Variants in ROBO2 observed in about 807,000 individuals in gnomAD.
ROBO2 encodes roundabout guidance receptor 2.
A neutral mutation model predicts 160.8 loss-of-function variants in ROBO2; 53 were observed. The observed-to-expected ratio is 0.33, with a 90% CI of 0.26 to 0.41. The LOEUF (loss-of-function observed/expected upper bound fraction) is 0.41. ROBO2 is among the 10% of genes least tolerant of loss of function. The pLI is 1.00. For missense variants in ROBO2, 1,577 were observed against 1,722.4 expected, an observed-to-expected ratio of 0.92 and a Z score of 1.49; for synonymous variants, 664 against 611.7, an observed-to-expected ratio of 1.09 and a Z score of -1.26.
chr3:75,919,678 G>A (rs1199186803), intron 1 of ROBO2, among the ~76,000 whole-genome samples: 2 of 151,970 alleles, frequency 1.3e-5, no homozygotes, highest in Non-Finnish European at 2.9e-5. Flanking sequence ...GGCTTTTTTT[G>A]GTTGGTAGGC....
At chr3:77,014,951 ACTAT>A (rs1332128808) in intron 2 of ROBO2, among the ~76,000 whole-genome samples, 6 of 152,176 alleles carry the variant, frequency 3.9e-5, no homozygotes, top group African/African-American at 9.7e-5. Flanking sequence ...TAAAATTATA[ACTAT>A]CTAATGAATT....
chr3:77,363,778 C>G (rs998141798), intron 2 of ROBO2, among the ~76,000 whole-genome samples: 4 of 152,080 alleles, frequency 2.6e-5, no homozygotes, highest in Non-Finnish European at 5.9e-5. Flanking sequence ...GAGAGAGTAA[C>G]CTTTCAGAAG....
intron 2 of ROBO2, among the ~76,000 whole-genome samples, chr3:76,453,709 T>C (rs1016497590): frequency 1.2e-4 from 19 of 152,256 alleles, no homozygotes; most frequent in Admixed American, 1.1e-3. Flanking sequence ...CTGCCAAACA[T>C]GTCATGGGCA....
intron 2 of ROBO2, among the ~76,000 whole-genome samples, chr3:76,063,542 C>T (rs1559880420): frequency 6.6e-6 from 1 of 151,594 alleles, no homozygotes; most frequent in Non-Finnish European, 1.5e-5. Context: ...GATGAGACCT[C>T]ACTCTGTGAT....
intron 1 of ROBO2, among the ~76,000 whole-genome samples, chr3:77,041,066 T>C (rs1023882728): frequency 2.0e-5 from 3 of 152,236 alleles, no homozygotes; most frequent in African/African-American, 7.2e-5. Context: ...ATTGTTGTTA[T>C]TGTTGTAATT....
intron 2 of ROBO2, among the ~76,000 whole-genome samples, chr3:76,736,137 T>G (rs893921601): frequency 4.6e-5 from 7 of 151,004 alleles, no homozygotes; most frequent in Admixed American, 2.6e-4. Flanking sequence ...CAAAAAATTA[T>G]CCGGGCGTGG....
intron 2 of ROBO2, among the ~76,000 whole-genome samples, chr3:76,578,860 T>G (rs1432836634): frequency 6.6e-6 from 1 of 152,132 alleles, no homozygotes; most frequent in African/African-American, 2.4e-5. Context: ...TAGTAATCCT[T>G]TCGCCCAAAC....
intron 2 of ROBO2, among the ~76,000 whole-genome samples, chr3:77,135,976 A>G (rs1006943872): frequency 6.6e-6 from 1 of 152,184 alleles, no homozygotes; most frequent in Non-Finnish European, 1.5e-5. Context: ...GTTTGTTTCT[A>G]TAATTAAAAA....
intron 2 of ROBO2, among the ~76,000 whole-genome samples, chr3:77,022,299 C>T (rs544053169): frequency 6.6e-5 from 10 of 152,148 alleles, no homozygotes; most frequent in East Asian, 1.9e-4. Context: ...GAACCCATGA[C>T]GCGGAGGTTG....
At chr3:76,120,254 G>A (rs1245880088) in intron 2 of ROBO2, among the ~76,000 whole-genome samples, 1 of 151,950 alleles carries the variant, frequency 6.6e-6, no homozygotes, top group Non-Finnish European at 1.5e-5. Context: ...CGCCCACCTC[G>A]GCCTTCCAAA....
exon 26 of ROBO2, chr3:77,649,858 G>C (rs2095437043): frequency 6.6e-6 from 1 of 152,080 alleles, no homozygotes; most frequent in African/African-American, 2.4e-5. Flanking sequence ...TTCATTTGAT[G>C]TTGTTAGATC....
At chr3:76,159,681 A>G (rs950873268) in intron 2 of ROBO2, among the ~76,000 whole-genome samples, 8 of 152,138 alleles carry the variant, frequency 5.3e-5, no homozygotes, top group Admixed American at 4.6e-4. Flanking sequence ...ATTTTGTGGA[A>G]AATGAAAGTA....
At chr3:77,517,818 G>T (rs555580246) in intron 5 of ROBO2, among the ~76,000 whole-genome samples, 1 of 150,804 alleles carries the variant, frequency 6.6e-6, no homozygotes, top group African/African-American at 2.4e-5. Context: ...GCATATCCAC[G>T]CTATGCACAC....
At chr3:76,350,584 T>TA (rs1195474481) in intron 2 of ROBO2, among the ~76,000 whole-genome samples, 1 of 152,066 alleles carries the variant, frequency 6.6e-6, no homozygotes, top group Non-Finnish European at 1.5e-5. Flanking sequence ...ATACCAATGT[T>TA]AAAAATATGA....
chr3:76,704,805 C>A (rs2107513289), intron 2 of ROBO2, among the ~76,000 whole-genome samples: 1 of 152,190 alleles, frequency 6.6e-6, no homozygotes, highest in Non-Finnish European at 1.5e-5. Context: ...GCAGGGCTCT[C>A]TAGAAGACTC....
intron 2 of ROBO2, among the ~76,000 whole-genome samples, chr3:77,183,181 C>T (rs116326364): frequency 6.4e-4 from 97 of 152,136 alleles, no homozygotes; most frequent in African/African-American, 2.3e-3. Context: ...GCCTCCAAAG[C>T]TGAAACGTTC....
intron 2 of ROBO2, among the ~76,000 whole-genome samples, chr3:77,283,623 C>T (rs1054697118): frequency 1.3e-5 from 2 of 151,912 alleles, no homozygotes; most frequent in African/African-American, 2.4e-5. Flanking sequence ...TTTGAACATA[C>T]CTAACTGGTT....
chr3:76,818,266 T>C (rs554651827), intron 2 of ROBO2, among the ~76,000 whole-genome samples: 2 of 152,268 alleles, frequency 1.3e-5, no homozygotes, highest in South Asian at 2.1e-4. Flanking sequence ...TTTTTTCATA[T>C]CTTTGTTGGG....
At chr3:76,876,501 C>T (rs1219453817) in intron 2 of ROBO2, among the ~76,000 whole-genome samples, 1 of 151,954 alleles carries the variant, frequency 6.6e-6, no homozygotes, top group African/African-American at 2.4e-5. Context: ...ATGATAAAAC[C>T]CTGCCTCTAC....
Sources: allele counts gnomAD v4.1 joint callset (sites outside exome capture counted in the v4.1 genomes callset), GRCh38; gene constraint gnomAD v4.1.1; transcripts MANE v1.5; gene names NCBI Gene and HGNC (gene_info 2026-07-23, HGNC 2026-07-21).